The following PCNT variants were observed in gnomAD, a reference collection of about 807,000 sequenced individuals.
The protein encoded by PCNT is kendrin.
A neutral mutation model predicts 380.4 loss-of-function variants in PCNT; 319 were observed. That is an observed-to-expected ratio of 0.84 (90% CI 0.77 to 0.92). The LOEUF (loss-of-function observed/expected upper bound fraction) is 0.92, where lower values mean the gene tolerates loss of function less well. PCNT is among the 40% of genes least tolerant of loss of function. The pLI, the probability that PCNT is intolerant of heterozygous loss-of-function variation, is 0.00. For synonymous variants in PCNT, 1,845 were observed against 1,735.2 expected (o/e 1.06, Z -1.57); for missense variants, 4,400 against 4,255.3 (o/e 1.03, Z -0.95).
chr21:46,335,672 GT>G (rs1203311161), intron 3 of PCNT, among the ~76,000 whole-genome samples: 1 of 146,040 alleles, frequency 6.8e-6, no homozygotes, highest in Non-Finnish European at 1.5e-5. Context: ...AAGTTTGGTT[GT>G]TTTTTGGTTT....
At chr21:46,409,773 T>G (rs2086726987) in intron 27 of PCNT, among the ~76,000 whole-genome samples, 1 of 152,082 alleles carries the variant, frequency 6.6e-6, no homozygotes, top group African/African-American at 2.4e-5. Context: ...TTTGTATTTT[T>G]ACTAGAGACC....
In PCNT at chr21:46,388,865, A is replaced by T. The variant is rs752829652; in HGVS notation, c.3588A>T (p.Ala1196=). Residue 1196 remains alanine (A), a synonymous_variant, in exon 18 of 47, where the codon GCA becomes GCT. Coordinates refer to ENST00000359568, the MANE Select transcript of PCNT (RefSeq NM_006031.6). This position sits in a 1 kb window ranked among gnomAD's most constrained non-coding sequence, Gnocchi z 4.2. ...GGCTCTGCCTGGATGACGCGGGCGC[A>T]GGCCTGGCCCTGTCGACAGGTGAGT... is the stretch of plus-strand genomic sequence containing the variant. ...RVGLCLDDAG[A]GLALSTAPAL... is the part of the protein sequence containing the mutation. 10 of 1,606,764 alleles carry T rather than the reference A, an allele frequency of 6.2e-6. No individual in the cohort carries two copies. Among genetic ancestry groups the T allele is most frequent in the Non-Finnish European group, 8.5e-6 (10 of 1,179,382 alleles).
In PCNT at chr21:46,397,503, T is replaced by G; in HGVS notation, c.4446+9T>G. On this transcript the variant is annotated intron_variant, in intron 22 of 46. Transcript: ENST00000359568. ...AGCGGCAATTCATGGATGTAAGAAT[T>G]CTGAATAATACATTTTTTTGCATCA... The G allele has an allele frequency of 6.2e-7, 1 of 1,605,536 alleles. No individual in the cohort carries two copies. Among genetic ancestry groups the G allele is most frequent in the South Asian group, 1.1e-5 (1 of 90,910 alleles).
At chr21:46,427,361 G>A (rs2087551074) in intron 33 of PCNT, among the ~76,000 whole-genome samples, 1 of 152,220 alleles carries the variant, frequency 6.6e-6, no homozygotes, top group Non-Finnish European at 1.5e-5. Flanking sequence ...GATTTCACCT[G>A]TTGTGGCATC....
rs754276934 is a variant in PCNT at position 46,427,727 on chromosome 21, C to G, written c.7426C>G (p.Leu2476Val). ...GCAGGGGGTTGAGCTGCAGCCCCGA[C>G]TCAGTGGCTCAGATCTGGGGGGTCA... Reference protein sequence around the residue: ...EMQGVELQPRLSGSDLGGHSS... With the variant: ...EMQGVELQPRVSGSDLGGHSS... The change falls in exon 34 of 47, where the codon CTC (leucine) becomes GTC (valine). Residue 2476 changes from leucine to valine, a missense_variant. By Grantham distance (32) the Leu-to-Val change is conservative (BLOSUM62 1). Coordinates refer to ENST00000359568, the MANE Select transcript of PCNT (RefSeq NM_006031.6). 1 of 1,613,696 alleles carries G rather than the reference C, an allele frequency of 6.2e-7. No homozygotes were observed. The highest frequency in any genetic ancestry group is 8.5e-7 in the Non-Finnish European group (1 of 1,180,018).
chr21:46,365,953 T>TGGGGTTCTATTCACTGCC (rs2084913704), intron 14 of PCNT, among the ~76,000 whole-genome samples: 2 of 147,382 alleles, frequency 1.4e-5, no homozygotes, highest in Admixed American at 1.3e-4. Flanking sequence ...TATTCACTGC[T>TGGGGTTCTATTCACTGCC]GTGGGGTTCT....
Position 46,416,543 on chromosome 21 carries a change from G to GCT in PCNT, c.6626_6627dup (p.Gly2210LeufsTer36). 1 of 1,613,388 alleles carries GCT rather than the reference G, an allele frequency of 6.2e-7. No individual in the cohort carries two copies. Among genetic ancestry groups the GCT allele is most frequent in the Non-Finnish European group, 8.5e-7 (1 of 1,179,880 alleles). ...CCGCCACCAGAGCCACACTGCAGAG[G>GCT]CTGGGCCCCGGAAGAGCCCGGTCGG... On this transcript the variant is annotated frameshift_variant, in exon 30 of 47. Coordinates refer to ENST00000359568, the MANE Select transcript of PCNT (RefSeq NM_006031.6). LOFTEE classifies it high-confidence loss of function.
At chr21:46,426,971 C>G (rs998486719) in intron 33 of PCNT, among the ~76,000 whole-genome samples, 1 of 152,218 alleles carries the variant, frequency 6.6e-6, no homozygotes, top group Admixed American at 6.5e-5. Flanking sequence ...CCCGCCTCCG[C>G]TCGCCCCTCC....
intron 15 of PCNT, among the ~76,000 whole-genome samples, chr21:46,372,191 CA>C (rs570855233): frequency 1.5e-4 from 22 of 150,640 alleles, no homozygotes; most frequent in African/African-American, 5.4e-4. Flanking sequence ...GCACACACAG[CA>C]CACACACAGA....
At chr21:46,415,648 G>C (rs1053262300) in intron 29 of PCNT, among the ~76,000 whole-genome samples, 3 of 152,106 alleles carry the variant, frequency 2.0e-5, no homozygotes, top group Admixed American at 6.6e-5. Context: ...CTCCCAAAAT[G>C]CTAGGATTAC....
rs4818842 is a variant in PCNT at position 46,438,335 on chromosome 21, A to G, written c.9271A>G (p.Ser3091Gly). The stretch of plus-strand genomic sequence containing the variant: ...CCATCTGCAGAAGGGCTGCAGCCCA[A>G]GCGTAGGTGTCTGTGCTTAACTCTT... Reference protein sequence around the residue: ...KHHLQKGCSPSRSERSAWKPD... With the variant: ...KHHLQKGCSPGRSERSAWKPD... The change falls in exon 41 of 47, where the codon AGC becomes GGC. Residue 3091 changes from serine to glycine, a missense_variant and splice_region_variant. Coordinates refer to ENST00000359568, the MANE Select transcript of PCNT (RefSeq NM_006031.6). 0.026 allele frequency: 41,319 copies of G among 1,613,794 alleles called. 770 individuals are homozygous for G. Among genetic ancestry groups the G allele is most frequent in the Admixed American group, 0.093 (5,581 of 60,020 alleles).
intron 15 of PCNT, among the ~76,000 whole-genome samples, chr21:46,373,749 T>TGGGG (rs1555966220): frequency 3.7e-5 from 3 of 81,194 alleles, no homozygotes; most frequent in African/African-American, 2.0e-4. Context: ...TTTTTTTTTT[T>TGGGG]GGGCGGAGTC....
chr21:46,326,539 A>G lies in PCNT; in HGVS notation c.217A>G (p.Thr73Ala). 1.9e-6 allele frequency: 3 copies of G among 1,614,174 alleles called. No homozygotes were observed. Among genetic ancestry groups the G allele is most frequent in the Middle Eastern group, 1.7e-4 (1 of 6,058 alleles). The change falls in exon 2 of 47, where the codon ACA becomes GCA. Residue 73 changes from threonine (T) to alanine (A), a missense_variant. Transcript: ENST00000359568. ...LCGGGDICKS[T>A]SCDDTPDGAG... ...TGGAGGAGGGGACATTTGCAAAAGC[A>G]CATCATGTGACGACACCCCTGATGG... is the stretch of plus-strand genomic sequence containing the variant.
intron 27 of PCNT, among the ~76,000 whole-genome samples, chr21:46,406,583 A>G (rs1001443755): frequency 3.9e-5 from 6 of 152,082 alleles, no homozygotes; most frequent in Non-Finnish European, 5.9e-5. Context: ...TTTCTTTCCA[A>G]TTTTTGTTAT....
rs938702017 is a variant in PCNT, at chr21:46,372,012, GCA to G, written c.3165+4882_3165+4883del. Among the ~76,000 whole-genome samples, 4 of 147,572 alleles carry G rather than the reference GCA, an allele frequency of 2.7e-5. No individual in the cohort carries two copies. The South Asian group carries it at 6.6e-4, about 24-fold the overall frequency. Reference sequence around the variant, plus strand: ...GCACATGCACACACACACAGCACATGCACACACACAGCACATACATGCAGCAC... The same window carrying G: ...GCACATGCACACACACACAGCACATGCACACACAGCACATACATGCAGCAC... On this transcript the variant is annotated intron_variant, in intron 15 of 46. Coordinates refer to ENST00000359568, the MANE Select transcript of PCNT (RefSeq NM_006031.6).
intron 14 of PCNT, among the ~76,000 whole-genome samples, chr21:46,366,070 C>G (rs148351965): frequency 5.0e-4 from 75 of 151,448 alleles, no homozygotes; most frequent in African/African-American, 1.7e-3. Context: ...CCTTGGGGTT[C>G]TATTCACTGC....
chr21:46,366,683 C>A lies in PCNT; in HGVS notation c.2709C>A (p.Leu903=). The A allele has an allele frequency of 6.2e-7, 1 of 1,613,860 alleles. No individual in the cohort carries two copies. The highest frequency in any genetic ancestry group is 8.5e-7 in the Non-Finnish European group (1 of 1,180,020). ...AGCAGCATGCCCGTGAGCTGCAGCT[C>A]CTCCAGGAGAGACACCAGCAGCAGC... ...AQEQHARELQ[L]LQERHQQQLL... Residue 903 remains leucine (L), a synonymous_variant, in exon 15 of 47, where the codon CTC becomes CTA. Coordinates refer to ENST00000359568, the MANE Select transcript of PCNT (RefSeq NM_006031.6).
In PCNT at chr21:46,326,557, CCTGATGGGG is replaced by C; in HGVS notation, c.237_245del (p.Asp80_Ala82del). The C allele has an allele frequency of 6.2e-7, 1 of 1,614,090 alleles. No individual in the cohort carries two copies. On this transcript the variant is annotated inframe_deletion, in exon 2 of 47. Transcript: ENST00000359568. The stretch of plus-strand genomic sequence containing the variant: ...CAAAAGCACATCATGTGACGACACC[CCTGATGGGG>C]CAGGAGGGGCCTTTGCAGCTCAGGT...
Position 46,356,833 on chromosome 21 carries a change from A to G in PCNT, c.1937-141A>G, listed in dbSNP as rs2084497822. The G allele has an allele frequency of 5.7e-6, 4 of 707,444 alleles. 1 individual carries two copies. The highest frequency in any genetic ancestry group is 5.0e-5 in the South Asian group (3 of 59,848). 43.8% of individuals were successfully genotyped at this position (707,444 alleles called of 1,614,324 possible). On this transcript the variant is annotated intron_variant, in intron 12 of 46. Transcript: ENST00000359568. ...TGAGAGAGCCATGCCTGCTTTCATC[A>G]CTGAGTCAGCACAGAGCTTGAAAAT...
Sources: allele counts gnomAD v4.1 joint callset (sites outside exome capture counted in the v4.1 genomes callset), GRCh38; gene constraint gnomAD v4.1.1; non-coding constraint Gnocchi (gnomAD v3.1); transcripts MANE v1.5; gene names NCBI Gene and HGNC (gene_info 2026-07-23, HGNC 2026-07-21).